Variants in ADGRD1 observed in about 807,000 individuals in gnomAD.
The protein encoded by ADGRD1 is G-protein coupled receptor 133.
Under a neutral mutation model 113.4 loss-of-function variants are expected in ADGRD1, and 77 were observed. The ratio of observed to expected loss-of-function variants is 0.68; its 90% CI spans 0.57 to 0.82. The LOEUF (loss-of-function observed/expected upper bound fraction) is 0.82. ADGRD1 is among the 40% of genes least tolerant of loss of function. The probability of loss-of-function intolerance (pLI) is 0.00; values close to 1 mark genes in which losing one functional copy is unlikely to be tolerated. For synonymous variants in ADGRD1, 474 were observed against 475.0 expected (o/e 1.00, Z 0.03); for missense variants, 1,036 against 1,139.1 (o/e 0.91, Z 1.30).
At chr12:130,996,618 C>A (rs1875420614) in intron 8 of ADGRD1, among the ~76,000 whole-genome samples, 1 of 114,388 alleles carries the variant, frequency 8.7e-6, no homozygotes, top group Admixed American at 7.9e-5. Context: ...GGCAGAGGCG[C>A]CCCTCACCTC....
At chr12:131,014,860 A>G (rs1167642790) in intron 13 of ADGRD1, among the ~76,000 whole-genome samples, 1 of 152,236 alleles carries the variant, frequency 6.6e-6, no homozygotes, top group Non-Finnish European at 1.5e-5. Flanking sequence ...TAGGACTGAC[A>G]GAGACATTGG....
rs1951192853 is a variant in ADGRD1, at chr12:131,139,482, C to G, written c.*219C>G. 1 of 542,954 alleles carries G rather than the reference C, an allele frequency of 1.8e-6. No homozygotes were observed. The highest frequency in any genetic ancestry group is 3.1e-5 in the East Asian group (1 of 31,994). The allele number at this position is 542,954 out of a possible 1,614,324, so 33.6% of individuals were successfully genotyped here. A position where few individuals can be genotyped will look rare whatever the true frequency, so the allele number is the denominator to read the frequency against. On this transcript the variant is annotated 3_prime_UTR_variant, in exon 25 of 25. Coordinates refer to ENST00000261654, the MANE Select transcript of ADGRD1 (RefSeq NM_198827.5). ...GGCCAGCGTGGGCCCTCCTGCCTTG[C>G]ATCCACCCGTGGGCTGAGTGACTTC...
At chr12:131,046,966 TGCTCCCTCCCTGGTCAGC>T (rs1376446881) in intron 13 of ADGRD1, among the ~76,000 whole-genome samples, 1 of 143,456 alleles carries the variant, frequency 7.0e-6, no homozygotes, top group African/African-American at 2.6e-5. Context: ...CCCTGGTCAA[TGCTCCCTCCCTGGTCAGC>T]GCTCCCTCCC....
At chr12:131,043,353 G>A (rs536249165) in intron 13 of ADGRD1, among the ~76,000 whole-genome samples, 6 of 152,354 alleles carry the variant, frequency 3.9e-5, no homozygotes, top group African/African-American at 1.2e-4. Flanking sequence ...CACTGGAAAC[G>A]GGAGTAGGAA....
At chr12:131,099,196 C>T (rs1355102892) in intron 15 of ADGRD1, among the ~76,000 whole-genome samples, 1 of 152,212 alleles carries the variant, frequency 6.6e-6, no homozygotes, top group Non-Finnish European at 1.5e-5. Flanking sequence ...GTCTAGAAGG[C>T]TGTCTCCTGT....
intron 21 of ADGRD1, among the ~76,000 whole-genome samples, chr12:131,132,061 TCTC>T (rs1950944301): frequency 6.6e-6 from 1 of 151,884 alleles, no homozygotes. Context: ...TCTACGGAGT[TCTC>T]CTAGGGATTT....
chr12:131,031,123 G>A (rs1380645729), intron 13 of ADGRD1, among the ~76,000 whole-genome samples: 4 of 152,206 alleles, frequency 2.6e-5, no homozygotes, highest in Admixed American at 1.3e-4. Flanking sequence ...GGGCTGGGCG[G>A]TCTCAACTCT....
chr12:131,041,615 G>A lies in ADGRD1; in HGVS notation c.1473+27275G>A, dbSNP rs1477955247. Among the ~76,000 whole-genome samples the A allele has an allele frequency of 6.6e-6, 1 of 152,220 alleles. No individual in the cohort carries two copies. Among genetic ancestry groups the A allele is most frequent in the African/African-American group, 2.4e-5 (1 of 41,462 alleles). On this transcript the variant is annotated intron_variant, in intron 13 of 24. Transcript: ENST00000261654. The surrounding 1 kb of genome is among the most constrained non-coding windows in gnomAD (Gnocchi z 4.4). ...TCCAGTTATAGCTGGAGAGGAAGGT[G>A]TGCAGCTTAATGAGGCTCTGCAGAG...
rs949956077 is a variant in ADGRD1, at chr12:130,992,264, A to C, written c.838A>C (p.Ile280Leu). The C allele has an allele frequency of 1.9e-6, 3 of 1,613,524 alleles. No individual in the cohort carries two copies. The East Asian group carries it at 6.7e-5, about 36-fold the overall frequency. The change falls in exon 8 of 25, where the codon ATA becomes CTA. Residue 280 changes from isoleucine (I) to leucine (L), a missense_variant. Coordinates refer to ENST00000261654, the MANE Select transcript of ADGRD1 (RefSeq NM_198827.5). Reference sequence around the variant, plus strand: ...GCCCACAGATGCCTACCATCCCATCATAACCAACCTGACAGAAGAGAGAAA... The same window carrying C: ...GCCCACAGATGCCTACCATCCCATCCTAACCAACCTGACAGAAGAGAGAAA... ...VMPTDAYHPI[I>L]TNLTEERKTF...
At chr12:130,982,162 G>T (rs778469959) in intron 5 of ADGRD1, 99 bp downstream of exon 5, 2 of 1,039,372 alleles carry the variant, frequency 1.9e-6, no homozygotes, top group Non-Finnish European at 2.8e-6. Flanking sequence ...AGGAGCCCAG[G>T]GATGCTGCTG....
In ADGRD1 at chr12:130,981,959, T is replaced by C. The variant is rs1873050256; in HGVS notation, c.386T>C (p.Val129Ala). The C allele has an allele frequency of 6.2e-7, 1 of 1,613,472 alleles. No individual in the cohort carries two copies. Among genetic ancestry groups the C allele is most frequent in the South Asian group, 1.1e-5 (1 of 91,076 alleles). The change falls in exon 5 of 25, where the codon GTC becomes GCC. Residue 129 changes from valine (V) to alanine (A), a missense_variant. Transcript: ENST00000261654. ...RPIPSAYGGQVISNGFKVCSS... is the reference protein window; with the variant it reads ...RPIPSAYGGQAISNGFKVCSS... The stretch of plus-strand genomic sequence containing the variant: ...ATCCCTTCTGCGTATGGGGGACAGG[T>C]CATCTCCAATGGGTTCAAAGTCTGC...
intron 21 of ADGRD1, among the ~76,000 whole-genome samples, chr12:131,134,672 G>A (rs533915502): frequency 6.6e-6 from 1 of 152,330 alleles, no homozygotes; most frequent in South Asian, 2.1e-4. Context: ...CCGGTTGCCC[G>A]GAGCTGTCAG....
chr12:131,136,225 G>C, intron 22 of ADGRD1, 62 bp downstream of exon 22: 2 of 1,593,578 alleles, frequency 1.3e-6, no homozygotes, highest in Non-Finnish European at 1.7e-6. Context: ...AGGCTTGCAG[G>C]GAGCTAGGGC....
At chr12:131,031,837 C>G (rs1029001462) in intron 13 of ADGRD1, among the ~76,000 whole-genome samples, 1 of 152,224 alleles carries the variant, frequency 6.6e-6, no homozygotes, top group Non-Finnish European at 1.5e-5. Flanking sequence ...CTTCTGCCAA[C>G]ACTCGGAAAC....
intron 13 of ADGRD1, among the ~76,000 whole-genome samples, chr12:131,046,003 C>T (rs972694573): frequency 6.6e-6 from 1 of 150,560 alleles, no homozygotes; most frequent in African/African-American, 2.4e-5. Flanking sequence ...TGCTCAGTGT[C>T]CTCCCTGGTG....
At chr12:131,135,991 A>C (rs1000332226) in intron 21 of ADGRD1, 46 bp from the exon 22 acceptor site, 1 of 1,610,040 alleles carries the variant, frequency 6.2e-7, no homozygotes, top group South Asian at 1.1e-5. Context: ...CACAGCCTGC[A>C]CCTGCCCTCC....
chr12:131,127,726 G>A (rs7311430), intron 20 of ADGRD1, among the ~76,000 whole-genome samples: 3,253 of 140,100 alleles, frequency 0.023, 196 homozygotes, highest in African/African-American at 0.086. Flanking sequence ...CTCAGGTGGG[G>A]TGTTGGTTGT....
chr12:131,015,400 G>A (rs1878437372), intron 13 of ADGRD1, among the ~76,000 whole-genome samples: 1 of 151,378 alleles, frequency 6.6e-6, no homozygotes, highest in African/African-American at 2.4e-5. Flanking sequence ...ATGGACATGG[G>A]AATGGAGATG....
At chr12:131,026,345 G>T (rs553803499) in intron 13 of ADGRD1, 8 of 152,256 alleles carry the variant, frequency 5.3e-5, no homozygotes, top group African/African-American at 1.4e-4. Flanking sequence ...ATGTCTGCGG[G>T]GGGGCGGGAG....
Sources: gnomAD v4.1 joint callset for allele counts (sites outside exome capture counted in the v4.1 genomes callset) on GRCh38, gnomAD v4.1.1 for gene constraint, Gnocchi (gnomAD v3.1) non-coding constraint, MANE v1.5 for transcripts, NCBI Gene and HGNC (gene_info 2026-07-23, HGNC 2026-07-21) for gene names.